TMED3: variants seen among roughly 807,000 people sequenced by gnomAD.
TMED3 encodes transmembrane emp24 domain-containing protein 3.
In TMED3, 9 loss-of-function variants were observed where a neutral mutation model predicts 15.0. The ratio of observed to expected loss-of-function variants is 0.60; its 90% CI spans 0.36 to 1.04. The LOEUF (loss-of-function observed/expected upper bound fraction) is 1.04. Ranked by LOEUF, TMED3 falls within the 50% of genes least tolerant of loss-of-function variation. The probability of loss-of-function intolerance (pLI) is 0.01; values close to 1 mark genes in which losing one functional copy is unlikely to be tolerated. For synonymous variants in TMED3, 117 were observed against 121.4 expected, an observed-to-expected ratio of 0.96 and a Z score of 0.24; for missense variants, 267 against 278.9, an observed-to-expected ratio of 0.96 and a Z score of 0.30.
chr15:79,356,901 T>C (rs1429068287), intron 2 of TMED3, among the ~76,000 whole-genome samples: 1 of 152,178 alleles, frequency 6.6e-6, no homozygotes, highest in South Asian at 2.1e-4. Context: ...TGGAATATTA[T>C]GTAGGCATTA....
chr15:79,320,047 C>T (rs1304538277), intron 2 of TMED3, among the ~76,000 whole-genome samples: 2 of 152,156 alleles, frequency 1.3e-5, no homozygotes, highest in African/African-American at 4.8e-5. Flanking sequence ...TCTCTGAACT[C>T]CACTGGGAAA....
intron 2 of TMED3, chr15:79,314,595 C>A (rs970415809): frequency 8.8e-6 from 4 of 454,076 alleles, no homozygotes; most frequent in African/African-American, 2.0e-5. Context: ...GAGAAAAGCC[C>A]ATCTACTTCT....
chr15:79,405,863 T>C (rs1308013232), intron 2 of TMED3, among the ~76,000 whole-genome samples: 3 of 152,198 alleles, frequency 2.0e-5, no homozygotes, highest in African/African-American at 7.2e-5. Flanking sequence ...AGGCAGTCGA[T>C]GTGTACTCCT....
intron 2 of TMED3, among the ~76,000 whole-genome samples, chr15:79,343,597 G>T (rs558552496): frequency 1.4e-4 from 22 of 152,140 alleles, no homozygotes; most frequent in African/African-American, 5.3e-4. Context: ...TATTTCAAAG[G>T]GTCACTATGG....
intron 2 of TMED3, among the ~76,000 whole-genome samples, chr15:79,402,863 G>C (rs1397513192): frequency 1.3e-5 from 2 of 152,100 alleles, no homozygotes; most frequent in Admixed American, 1.3e-4. Context: ...CTGACACTCA[G>C]ATGACTGAGC....
intron 2 of TMED3, chr15:79,382,874 C>T: frequency 8.4e-7 from 1 of 1,191,260 alleles, no homozygotes; most frequent in Non-Finnish European, 1.2e-6. Context: ...TCATGGGTAT[C>T]TCATACTATT....
downstream of TMED3, among the ~76,000 whole-genome samples, chr15:79,326,283 A>G (rs1460041843): frequency 6.6e-6 from 1 of 152,244 alleles, no homozygotes; most frequent in Non-Finnish European, 1.5e-5. Flanking sequence ...AATAGCTCAA[A>G]GAGGAAACTT....
chr15:79,330,955 A>T (rs1387589043), intron 2 of TMED3, among the ~76,000 whole-genome samples: 1 of 152,220 alleles, frequency 6.6e-6, no homozygotes, highest in Non-Finnish European at 1.5e-5. Flanking sequence ...ATAAGAAAAA[A>T]GGTTTAATTG....
intron 2 of TMED3, among the ~76,000 whole-genome samples, chr15:79,347,334 C>T (rs2058874810): frequency 6.6e-6 from 1 of 152,136 alleles, no homozygotes; most frequent in Admixed American, 6.5e-5. Flanking sequence ...TTCAACACTG[C>T]TTCATGTTAA....
intron 2 of TMED3, among the ~76,000 whole-genome samples, chr15:79,387,384 CTT>C (rs1294157923): frequency 1.1e-4 from 16 of 152,080 alleles, no homozygotes; most frequent in Non-Finnish European, 2.2e-4. Flanking sequence ...TTTCTAGACT[CTT>C]TATTTCCATT....
At chr15:79,337,200 A>G (rs1317284310) in intron 2 of TMED3, among the ~76,000 whole-genome samples, 1 of 152,234 alleles carries the variant, frequency 6.6e-6, no homozygotes, top group African/African-American at 2.4e-5. Flanking sequence ...CAAGGTGTCA[A>G]CAGGGTTGGT....
intron 2 of TMED3, among the ~76,000 whole-genome samples, chr15:79,354,061 G>C (rs1349185867): frequency 6.6e-6 from 1 of 152,144 alleles, no homozygotes; most frequent in Non-Finnish European, 1.5e-5. Flanking sequence ...AAAGAACATA[G>C]TTGCAGGAAA....
intron 2 of TMED3, among the ~76,000 whole-genome samples, chr15:79,359,070 G>A (rs2141239358): frequency 6.6e-6 from 1 of 152,298 alleles, no homozygotes; most frequent in East Asian, 1.9e-4. Context: ...TCCCAGGAGA[G>A]GCACTCAGAC....
intron 2 of TMED3, among the ~76,000 whole-genome samples, chr15:79,390,399 C>G (rs2141253380): frequency 6.6e-6 from 1 of 152,236 alleles, no homozygotes; most frequent in South Asian, 2.1e-4. Flanking sequence ...CATTTATTGA[C>G]TTGCGTATGT....
intron 2 of TMED3, among the ~76,000 whole-genome samples, chr15:79,339,745 A>G (rs1429541393): frequency 6.6e-6 from 1 of 151,064 alleles, no homozygotes; most frequent in Non-Finnish European, 1.5e-5. Flanking sequence ...TGATGACATG[A>G]TGGTGATAGT....
At chr15:79,404,942 G>A (rs1481721200) in intron 2 of TMED3, among the ~76,000 whole-genome samples, 1 of 152,206 alleles carries the variant, frequency 6.6e-6, no homozygotes, top group African/African-American at 2.4e-5. Flanking sequence ...GGACCCCTCT[G>A]TATTCTGCCA....
chr15:79,324,173 A>G (rs2058779045), downstream of TMED3, among the ~76,000 whole-genome samples: 1 of 152,104 alleles, frequency 6.6e-6, no homozygotes, highest in African/African-American at 2.4e-5. Flanking sequence ...TTGTATTTTT[A>G]GTAGAGACGG....
At chr15:79,402,029 C>T (rs1261483093) in intron 2 of TMED3, among the ~76,000 whole-genome samples, 1 of 152,098 alleles carries the variant, frequency 6.6e-6, no homozygotes, top group Non-Finnish European at 1.5e-5. Flanking sequence ...GAAAGAAAAA[C>T]CTGTGACAAA....
intron 2 of TMED3, among the ~76,000 whole-genome samples, chr15:79,388,185 C>T (rs865967038): frequency 4.6e-5 from 7 of 152,018 alleles, no homozygotes; most frequent in African/African-American, 1.2e-4. Flanking sequence ...AAGGAAAAAC[C>T]TTCAGTATTT....
Sources: allele counts gnomAD v4.1 joint callset (sites outside exome capture counted in the v4.1 genomes callset), GRCh38; gene constraint gnomAD v4.1.1; transcripts MANE v1.5; gene names NCBI Gene and HGNC (gene_info 2026-07-23, HGNC 2026-07-21).